The following SNX3 variants were observed in gnomAD, a reference collection of about 807,000 sequenced individuals.
The protein encoded by SNX3 is sorting nexin-3.
In SNX3, 5 loss-of-function variants were observed where a neutral mutation model predicts 17.7. That is an observed-to-expected ratio of 0.28 (90% CI 0.15 to 0.59). The LOEUF (loss-of-function observed/expected upper bound fraction) is 0.59. Among genes scored for constraint, SNX3 ranks in the 20% least tolerant of loss-of-function variants. The pLI, the probability that SNX3 is intolerant of heterozygous loss-of-function variation, is 0.88. For missense variants in SNX3, 132 were observed against 206.8 expected, an observed-to-expected ratio of 0.64 and a Z score of 2.22; for synonymous variants, 91 against 76.5, an observed-to-expected ratio of 1.19 and a Z score of -0.99.
intron 1 of SNX3, among the ~76,000 whole-genome samples, chr6:108,259,151 G>A (rs971519713): frequency 2.0e-5 from 3 of 152,194 alleles, no homozygotes; most frequent in Non-Finnish European, 4.4e-5. Flanking sequence ...TTTCCACTAG[G>A]TTTATGTATG....
At chr6:108,217,384 T>C (rs1034646234) in intron 2 of SNX3, among the ~76,000 whole-genome samples, 8 of 152,112 alleles carry the variant, frequency 5.3e-5, no homozygotes, top group Non-Finnish European at 8.8e-5. Context: ...ATAAAAATCA[T>C]AAATGGCTCA....
rs770668528 is a variant in SNX3, at chr6:108,260,971, T to C, written c.-50A>G. ...GCGGGCTCCCTCCGCCCCCTCCGCG[T>C]TCAGCCGCCGCCGCCGCCGCTGCTG... On this transcript the variant is annotated 5_prime_UTR_variant, in exon 1 of 4. Coordinates refer to ENST00000230085, the MANE Select transcript of SNX3 (RefSeq NM_003795.6). 22 of 1,444,824 alleles carry C rather than the reference T, an allele frequency of 1.5e-5. No homozygotes were observed. The highest frequency in any genetic ancestry group is 2.0e-5 in the Non-Finnish European group (22 of 1,104,746). The allele number at this position is 1,444,824 out of a possible 1,614,324, so 89.5% of individuals were successfully genotyped here. A position where few individuals can be genotyped will look rare whatever the true frequency, so the allele number is the denominator to read the frequency against.
chr6:108,241,491 T>TA lies in SNX3; in HGVS notation c.163-18447dup, dbSNP rs568277869. On this transcript the variant is annotated intron_variant, in intron 1 of 3. Transcript: ENST00000230085. The stretch of plus-strand genomic sequence containing the variant: ...GCCAACAGAACAAGATCCTGTCTCT[T>TA]AAAAAAAGAAAAAGGCTGAAGCCTC... Among the ~76,000 whole-genome samples the TA allele has an allele frequency of 3.6e-3, 543 of 151,796 alleles. 4 individuals are homozygous for TA. The highest frequency in any genetic ancestry group is 0.014 in the Middle Eastern group (4 of 294).
intron 2 of SNX3, among the ~76,000 whole-genome samples, chr6:108,216,701 T>C (rs1167675245): frequency 1.3e-5 from 2 of 152,208 alleles, no homozygotes; most frequent in Non-Finnish European, 2.9e-5. Context: ...AAACCCTTGA[T>C]ATAGTTTCTA....
chr6:108,260,432 C>T (rs73511867), intron 1 of SNX3, among the ~76,000 whole-genome samples: 2,836 of 152,154 alleles, frequency 0.019, 99 homozygotes, highest in African/African-American at 0.066. Context: ...CTTTCCCTTC[C>T]CAGCGAAGGG....
At chr6:108,260,653 C>G in intron 1 of SNX3, 107 bp downstream of exon 1, 1 of 1,331,836 alleles carries the variant, frequency 7.5e-7, no homozygotes, top group Non-Finnish European at 1.1e-6. Flanking sequence ...AAGGGGGCTC[C>G]CGGCCTGGGA....
intron 1 of SNX3, 34 bp downstream of exon 1, chr6:108,260,725 AG>A: frequency 1.2e-6 from 2 of 1,611,762 alleles, no homozygotes; most frequent in African/African-American, 1.3e-5. Context: ...AGCCAGCGGG[AG>A]GGGTTTCTTG....
intron 1 of SNX3, among the ~76,000 whole-genome samples, chr6:108,237,974 G>A (rs955190751): frequency 6.6e-6 from 1 of 151,498 alleles, no homozygotes; most frequent in Non-Finnish European, 1.5e-5. Flanking sequence ...GCACGCGCCT[G>A]TAGTCTCAGC....
chr6:108,259,245 T>G (rs1353769894), intron 1 of SNX3, among the ~76,000 whole-genome samples: 1 of 152,198 alleles, frequency 6.6e-6, no homozygotes, highest in South Asian at 2.1e-4. Flanking sequence ...TTTATTTATT[T>G]ATTTAGAGAA....
At chr6:108,243,379 C>T (rs1387793137) in intron 1 of SNX3, among the ~76,000 whole-genome samples, 2 of 151,876 alleles carry the variant, frequency 1.3e-5, no homozygotes, top group East Asian at 3.9e-4. Flanking sequence ...CAGTCCCAGA[C>T]AAAAAAACAA....
At chr6:108,237,538 C>T (rs574443964) in intron 1 of SNX3, among the ~76,000 whole-genome samples, 1 of 152,294 alleles carries the variant, frequency 6.6e-6, no homozygotes, top group African/African-American at 2.4e-5. Flanking sequence ...GTAATCTCAG[C>T]ACTTTGGGAG....
At chr6:108,240,109 A>G (rs890450102) in intron 1 of SNX3, among the ~76,000 whole-genome samples, 1 of 152,216 alleles carries the variant, frequency 6.6e-6, no homozygotes, top group African/African-American at 2.4e-5. Context: ...TCAAACCACT[A>G]TATCAGAACT....
intron 1 of SNX3, among the ~76,000 whole-genome samples, chr6:108,237,790 A>C (rs1775395081): frequency 7.0e-6 from 1 of 142,162 alleles, no homozygotes; most frequent in Non-Finnish European, 1.5e-5. Flanking sequence ...ACTCTATTTC[A>C]AAAAAAAAAA....
chr6:108,240,369 C>T (rs1417328594), intron 1 of SNX3, among the ~76,000 whole-genome samples: 1 of 152,204 alleles, frequency 6.6e-6, no homozygotes, highest in Non-Finnish European at 1.5e-5. Flanking sequence ...CCGGCACCCA[C>T]CACCACGCCT....
chr6:108,226,906 T>C (rs576071345), intron 1 of SNX3, among the ~76,000 whole-genome samples: 3 of 152,338 alleles, frequency 2.0e-5, no homozygotes, highest in African/African-American at 7.2e-5. Context: ...TTGAATTTTC[T>C]TTCCCAGGTA....
Position 108,236,832 on chromosome 6 carries a change from T to C in SNX3, c.163-13787A>G, listed in dbSNP as rs567806041. On this transcript the variant is annotated intron_variant, in intron 1 of 3. Transcript: ENST00000230085. ...AGTGATACATATATTAATAAACTCT[T>C]CCAGTCAGAGTGATTAGCTATAACA... 1.1e-3 allele frequency among the ~76,000 whole-genome samples: 161 copies of C among 152,306 alleles called. 1 individual carries two copies. Among genetic ancestry groups the C allele is most frequent in the African/African-American group, 3.8e-3 (156 of 41,554 alleles).
chr6:108,252,575 C>G (rs1275345782), intron 1 of SNX3: 2 of 152,192 alleles, frequency 1.3e-5, no homozygotes, highest in Non-Finnish European at 2.9e-5. Flanking sequence ...ATTTAAATAT[C>G]TGCATTTCCT....
At chr6:108,224,503 A>C (rs1044141407) in intron 1 of SNX3, among the ~76,000 whole-genome samples, 1 of 151,996 alleles carries the variant, frequency 6.6e-6, no homozygotes, top group Non-Finnish European at 1.5e-5. Context: ...GATGGTCTCC[A>C]TCTCCTGACC....
At position 108,223,033 on chromosome 6, in the gene SNX3, T is replaced by C. The variant is rs371370665; in HGVS notation, c.175A>G (p.Ile59Val). ...YEIRVKTNLP[I>V]FKLKESTVRR... ...ACAGTAGATTCTTTCAGCTTGAAAA[T>C]AGGAAGATTTGTCTGAAACAAAAAA... Residue 59 changes from isoleucine to valine, a missense_variant, in exon 2 of 4, where the codon ATT (isoleucine) becomes GTT (valine). Transcript: ENST00000230085. 461 of 1,599,008 alleles carry C rather than the reference T, an allele frequency of 2.9e-4. No homozygotes were observed. Among genetic ancestry groups the C allele is most frequent in the Non-Finnish European group, 3.7e-4 (437 of 1,169,838 alleles).
Sources: gnomAD v4.1 joint callset for allele counts (sites outside exome capture counted in the v4.1 genomes callset) on GRCh38, gnomAD v4.1.1 for gene constraint, MANE v1.5 for transcripts, NCBI Gene and HGNC (gene_info 2026-07-23, HGNC 2026-07-21) for gene names.